Variants in AKIRIN2 observed in about 807,000 individuals in gnomAD.
The protein encoded by AKIRIN2 is akirin 2, also known as akirin-2.
AKIRIN2 carries 6 observed loss-of-function variants against 29.3 expected under a neutral mutation model. The ratio of observed to expected loss-of-function variants is 0.20; its 90% CI spans 0.11 to 0.40. The LOEUF (loss-of-function observed/expected upper bound fraction) is 0.40, where lower values mean the gene tolerates loss of function less well. Among genes scored for constraint, AKIRIN2 ranks in the 10% least tolerant of loss-of-function variants. AKIRIN2 has a pLI of 1.00. For synonymous variants in AKIRIN2, 128 were observed against 117.5 expected (o/e 1.09, Z -0.58); for missense variants, 210 against 276.1 (o/e 0.76, Z 1.70).
rs757210177 is a variant in AKIRIN2 at position 87,698,445 on chromosome 6, T to G, written c.235+3005A>C. The stretch of plus-strand genomic sequence containing the variant: ...TTATTTATGGACACTGAAATTTGAA[T>G]TTCACATAATTCTCACGTGTCACAA... On this transcript the variant is annotated intron_variant, in intron 1 of 4. Coordinates refer to ENST00000257787, the MANE Select transcript of AKIRIN2 (RefSeq NM_018064.4). Among the ~76,000 whole-genome samples, 3 of 152,090 alleles carry G rather than the reference T, an allele frequency of 2.0e-5. No homozygotes were observed. In the South Asian group the frequency reaches 6.2e-4, roughly 32 times the overall value.
chr6:87,689,904 C>A (rs78978934), intron 1 of AKIRIN2, among the ~76,000 whole-genome samples: 2 of 152,166 alleles, frequency 1.3e-5, no homozygotes, highest in African/African-American at 2.4e-5. Flanking sequence ...AAGTTTCTAG[C>A]CCCTGCTTAA....
At chr6:87,701,258 G>A (rs1325833910) in intron 1 of AKIRIN2, among the ~76,000 whole-genome samples, 192 bp downstream of exon 1, 1 of 152,024 alleles carries the variant, frequency 6.6e-6, no homozygotes, top group Admixed American at 6.5e-5. Flanking sequence ...CTTGACATCA[G>A]CCCATTTCTA....
chr6:87,678,858 G>A (rs553887627), intron 2 of AKIRIN2, among the ~76,000 whole-genome samples: 26 of 151,968 alleles, frequency 1.7e-4, no homozygotes, highest in African/African-American at 4.8e-4. Flanking sequence ...AAAATACGCC[G>A]GGCATGGTGG....
At position 87,675,540 on chromosome 6, in the gene AKIRIN2, A is replaced by C. The variant is rs1172575436; in HGVS notation, c.*57T>G. ...GGCATTGCTGCATGTCATAATTGGG[A>C]CCTCTTGCAACAACTCAACAAGGAA... On this transcript the variant is annotated 3_prime_UTR_variant, in exon 5 of 5. Transcript: ENST00000257787. 3.7e-6 allele frequency: 6 copies of C among 1,602,440 alleles called. No homozygotes were observed. In the South Asian group the frequency reaches 5.5e-5, roughly 15 times the overall value.
rs1771479183 is a variant in AKIRIN2 at position 87,702,084 on chromosome 6, G to C, written c.-400C>G. ...TTTCTGAAGTCGAAAACAGCACCGT[G>C]GGGTGTGAGGCTGGAACGCGGCTCC... On this transcript the variant is annotated 5_prime_UTR_variant, in exon 1 of 5. Transcript: ENST00000257787. 1 of 399,280 alleles carries C rather than the reference G, an allele frequency of 2.5e-6. No individual in the cohort carries two copies. Among genetic ancestry groups the C allele is most frequent in the Admixed American group, 4.4e-5 (1 of 22,726 alleles). The allele number at this position is 399,280 out of a possible 1,614,324, so 24.7% of individuals were successfully genotyped here. A position where few individuals can be genotyped will look rare whatever the true frequency, so the allele number is the denominator to read the frequency against.
At chr6:87,699,822 G>C (rs1322492718) in intron 1 of AKIRIN2, among the ~76,000 whole-genome samples, 1 of 152,170 alleles carries the variant, frequency 6.6e-6, no homozygotes, top group Non-Finnish European at 1.5e-5. Flanking sequence ...TTGACATTGA[G>C]ATATAGTACT....
At chr6:87,696,203 T>TG in intron 1 of AKIRIN2, among the ~76,000 whole-genome samples, 1 of 152,030 alleles carries the variant, frequency 6.6e-6, no homozygotes, top group East Asian at 1.9e-4. Context: ...AAGACCCGAT[T>TG]AGTATGTACT....
At chr6:87,680,266 CTA>C (rs774848826) in intron 2 of AKIRIN2, among the ~76,000 whole-genome samples, 27 of 148,344 alleles carry the variant, frequency 1.8e-4, no homozygotes, top group Non-Finnish European at 3.1e-4. Flanking sequence ...TTTTATTTGA[CTA>C]TGTTATGGTC....
At chr6:87,695,424 C>T (rs893341017) in intron 1 of AKIRIN2, among the ~76,000 whole-genome samples, 4 of 152,126 alleles carry the variant, frequency 2.6e-5, no homozygotes, top group Non-Finnish European at 4.4e-5. Flanking sequence ...ACTCTAAGAA[C>T]CTTGGGAAAT....
rs1041156544 is a variant in AKIRIN2 at position 87,701,923 on chromosome 6, A to C, written c.-239T>G. The C allele has an allele frequency of 2.4e-6, 1 of 412,518 alleles. No homozygotes were observed. Among genetic ancestry groups the C allele is most frequent in the Non-Finnish European group, 4.3e-6 (1 of 233,760 alleles). 25.6% of individuals were successfully genotyped at this position (412,518 alleles called of 1,614,324 possible). ...GAGCGGGAGGGGCGGTGGCGGGCAG[A>C]AGCACACGCCAGTCGCGTCAGGGGG... On this transcript the variant is annotated 5_prime_UTR_variant, in exon 1 of 5. Coordinates refer to ENST00000257787, the MANE Select transcript of AKIRIN2 (RefSeq NM_018064.4).
At chr6:87,692,326 T>C (rs114969088) in intron 1 of AKIRIN2, among the ~76,000 whole-genome samples, 107 of 152,314 alleles carry the variant, frequency 7.0e-4, no homozygotes, top group African/African-American at 2.5e-3. Context: ...AGGCATATGC[T>C]ACTATCATCA....
At chr6:87,685,586 G>A (rs1771174335) in intron 1 of AKIRIN2, among the ~76,000 whole-genome samples, 1 of 152,186 alleles carries the variant, frequency 6.6e-6, no homozygotes, top group Non-Finnish European at 1.5e-5. Flanking sequence ...TGTATTATCA[G>A]TTGCATATTC....
intron 2 of AKIRIN2, among the ~76,000 whole-genome samples, chr6:87,678,450 C>T (rs1451673923): frequency 4.0e-5 from 6 of 151,576 alleles, no homozygotes; most frequent in East Asian, 1.9e-4. Flanking sequence ...TTCAGTGAGC[C>T]GAGATCACGC....
In AKIRIN2 at chr6:87,697,683, A is replaced by G. The variant is rs559780945; in HGVS notation, c.235+3767T>C. Among the ~76,000 whole-genome samples the G allele has an allele frequency of 3.3e-5, 5 of 152,230 alleles. No individual in the cohort carries two copies. In the South Asian group the frequency reaches 1.0e-3, roughly 31 times the overall value. ...CCAGCTGGTGTCTCCGTTTGCAGGC[A>G]TGCATCAATGTCTGGTGAACAATCT... On this transcript the variant is annotated intron_variant, in intron 1 of 4. Coordinates refer to ENST00000257787, the MANE Select transcript of AKIRIN2 (RefSeq NM_018064.4).
chr6:87,688,963 T>C (rs1441616036), intron 1 of AKIRIN2, among the ~76,000 whole-genome samples: 5 of 152,208 alleles, frequency 3.3e-5, no homozygotes, highest in Admixed American at 2.6e-4. Context: ...TAAGTAGCAC[T>C]AGCTATACAG....
intron 4 of AKIRIN2, 101 bp downstream of exon 4, chr6:87,675,758 AT>A: frequency 6.9e-7 from 1 of 1,457,048 alleles, no homozygotes; most frequent in Non-Finnish European, 9.5e-7. Flanking sequence ...ATTCTCAGTA[AT>A]TTTGTTGAAT....
chr6:87,688,256 A>G (rs1457948192), intron 1 of AKIRIN2, among the ~76,000 whole-genome samples: 1 of 151,922 alleles, frequency 6.6e-6, no homozygotes, highest in Non-Finnish European at 1.5e-5. Flanking sequence ...CTCAGCCTCC[A>G]GAGTAGCTGG....
At chr6:87,686,031 A>T (rs1385271447) in intron 1 of AKIRIN2, among the ~76,000 whole-genome samples, 1 of 152,112 alleles carries the variant, frequency 6.6e-6, no homozygotes, top group Non-Finnish European at 1.5e-5. Flanking sequence ...CCAGGCCAAC[A>T]CAGTGAAACC....
intron 1 of AKIRIN2, among the ~76,000 whole-genome samples, chr6:87,696,676 G>A (rs2475052): frequency 0.075 from 10,647 of 141,860 alleles, 446 homozygotes; most frequent in African/African-American, 0.1. Context: ...ACTCCAGCCT[G>A]GGGGACAGAG....
Sources: allele counts gnomAD v4.1 joint callset (sites outside exome capture counted in the v4.1 genomes callset), GRCh38; gene constraint gnomAD v4.1.1; transcripts MANE v1.5; gene names NCBI Gene and HGNC (gene_info 2026-07-23, HGNC 2026-07-21).